The following USH1C variants were observed in gnomAD, a reference collection of about 807,000 sequenced individuals.
USH1C encodes the protein USH1 protein network component harmonin, also known as harmonin.
Under a neutral mutation model 119.3 loss-of-function variants are expected in USH1C, and 90 were observed. That is an observed-to-expected ratio of 0.75 (90% confidence interval 0.64 to 0.90). USH1C has a LOEUF of 0.90. USH1C is among the 40% of genes least tolerant of loss of function. The pLI is 0.00. For synonymous variants in USH1C, 465 were observed against 443.3 expected (o/e 1.05, Z -0.62); for missense variants, 1,165 against 1,167.7 (o/e 1.00, Z 0.03).
At chr11:17,509,978 C>T in intron 17 of USH1C, 140 bp from the exon 18 acceptor site, 4 of 1,083,884 alleles carry the variant, frequency 3.7e-6, no homozygotes. Context: ...CATGGGGCGC[C>T]ATTCCTCTGC....
At chr11:17,496,974 G>A (rs1849272552) in intron 24 of USH1C, 161 bp from the exon 25 acceptor site, 1 of 732,100 alleles carries the variant, frequency 1.4e-6, no homozygotes, top group East Asian at 2.7e-5. Flanking sequence ...CATGGTCTGA[G>A]GACGTTTCTA....
chr11:17,501,455 C>T (rs1339639771), intron 22 of USH1C, 27 bp downstream of exon 22: 1 of 1,607,084 alleles, frequency 6.2e-7, no homozygotes, highest in Admixed American at 1.7e-5. Flanking sequence ...GGGATGGCGG[C>T]CCACCGGCCT....
chr11:17,526,712 T>C, intron 7 of USH1C, 41 bp downstream of exon 7: 2 of 1,603,706 alleles, frequency 1.2e-6, no homozygotes, highest in Non-Finnish European at 1.7e-6. Flanking sequence ...TCCTTGAAGA[T>C]GACCCCACCC....
At chr11:17,517,799 G>T (rs12271589) in intron 14 of USH1C, among the ~76,000 whole-genome samples, 8,696 of 152,260 alleles carry the variant, frequency 0.057, 295 homozygotes, top group African/African-American at 0.091. Context: ...AGGAGGATGG[G>T]AATATCTGAG....
chr11:17,542,395 C>T (rs1851506327), intron 1 of USH1C, among the ~76,000 whole-genome samples: 1 of 152,382 alleles, frequency 6.6e-6, no homozygotes, highest in East Asian at 1.9e-4. Context: ...GAGGGGAAGG[C>T]TGTGGCTGTC....
At chr11:17,539,833 C>CTTTTTT (rs34881002) in intron 1 of USH1C, among the ~76,000 whole-genome samples, 19 of 126,198 alleles carry the variant, frequency 1.5e-4, no homozygotes, top group Non-Finnish European at 1.8e-4. Context: ...CTTTCTTTTT[C>CTTTTTT]TTTTTTTTTT....
chr11:17,507,898 G>C (rs896683894), intron 18 of USH1C, among the ~76,000 whole-genome samples: 6 of 152,222 alleles, frequency 3.9e-5, no homozygotes, highest in Non-Finnish European at 8.8e-5. Context: ...TCTTCAGTTA[G>C]AATGAATCCC....
chr11:17,540,912 ACCTGACCATGG>A (rs1171297836), intron 1 of USH1C, among the ~76,000 whole-genome samples: 1 of 151,898 alleles, frequency 6.6e-6, no homozygotes, highest in Non-Finnish European at 1.5e-5. Context: ...GAAAATCCTG[ACCTGACCATGG>A]CCTACCAGGC....
intron 14 of USH1C, among the ~76,000 whole-genome samples, chr11:17,520,608 A>G (rs1306275401): frequency 6.6e-6 from 1 of 152,136 alleles, no homozygotes. Context: ...CCTCTTCAGC[A>G]GCCTGACAGC....
chr11:17,534,716 A>AT (rs1851157487), intron 1 of USH1C, among the ~76,000 whole-genome samples: 1 of 152,120 alleles, frequency 6.6e-6, no homozygotes, highest in African/African-American at 2.4e-5. Context: ...CTCTATTAAA[A>AT]TACAAAAATT....
At chr11:17,502,359 T>C (rs923430644) in intron 20 of USH1C, among the ~76,000 whole-genome samples, 4 of 152,296 alleles carry the variant, frequency 2.6e-5, no homozygotes, top group Admixed American at 2.6e-4. Context: ...AAGTCTCCAC[T>C]GGAGCAGGCC....
At chr11:17,503,023 C>T (rs1408081362) in intron 20 of USH1C, among the ~76,000 whole-genome samples, 1 of 152,162 alleles carries the variant, frequency 6.6e-6, no homozygotes, top group African/African-American at 2.4e-5. Context: ...CAGAATGCAC[C>T]AACTAGGTTC....
In USH1C at chr11:17,523,417, ACCT is replaced by A. The variant is rs1185242222; in HGVS notation, c.818_819+1del. On this transcript the variant is annotated splice_donor_variant and coding_sequence_variant, in exon 10 of 27. Transcript: ENST00000005226. LOFTEE classifies it high-confidence loss of function. ...CAACAGGTGAAGACCCCCACATCTC[ACCT>A]CCTTGTGATCCAGGTTAGAGAAGTC... is the stretch of plus-strand genomic sequence containing the variant. The A allele has an allele frequency of 6.2e-7, 1 of 1,614,102 alleles. No homozygotes were observed. The highest frequency in any genetic ancestry group is 1.7e-5 in the Admixed American group (1 of 60,004).
intron 2 of USH1C, among the ~76,000 whole-genome samples, chr11:17,532,354 T>C (rs527813669): frequency 2.6e-5 from 4 of 152,236 alleles, no homozygotes; most frequent in African/African-American, 9.6e-5. Context: ...CTGGAGTGCA[T>C]TGATGCAATC....
Position 17,533,238 on chromosome 11 carries a change from G to A in USH1C, c.104+17C>T. ...GGAACCCAAGTGGCCCACAAGAGCT[G>A]GACCCAGCACACTTACTGGTGGTAC... On this transcript the variant is annotated intron_variant, in intron 2 of 26. Transcript: ENST00000005226. The A allele has an allele frequency of 6.2e-7, 1 of 1,609,984 alleles. No individual in the cohort carries two copies. Among genetic ancestry groups the A allele is most frequent in the Non-Finnish European group, 8.5e-7 (1 of 1,176,306 alleles).
chr11:17,522,842 TCTGCATGAGAAGCTC>T lies in USH1C; in HGVS notation c.946_960del (p.Glu316_Gln320del). 1 of 1,613,684 alleles carries T rather than the reference TCTGCATGAGAAGCTC, an allele frequency of 6.2e-7. No homozygotes were observed. The highest frequency in any genetic ancestry group is 8.5e-7 in the Non-Finnish European group (1 of 1,179,908). ...TTGTTGGACTCCATCGCCAGCCGCT[TCTGCATGAGAAGCTC>T]CTGCCGCTGCAGCTCACGCTGCCGC... is the stretch of plus-strand genomic sequence containing the variant. On this transcript the variant is annotated inframe_deletion, in exon 12 of 27. Coordinates refer to ENST00000005226, the MANE Select transcript of USH1C (RefSeq NM_153676.4).
Position 17,544,325 on chromosome 11 carries a change from C to A in USH1C, c.-18G>T. 6.2e-7 allele frequency: 1 copy of A among 1,613,978 alleles called. No homozygotes were observed. The highest frequency in any genetic ancestry group is 8.5e-7 in the Non-Finnish European group (1 of 1,179,960). On this transcript the variant is annotated 5_prime_UTR_variant, in exon 1 of 27. Coordinates refer to ENST00000005226, the MANE Select transcript of USH1C (RefSeq NM_153676.4). ...CGGTCCATGGCTGGGCCAGGTCCAG[C>A]TGCGTCGTTGCACGACCCGTTCCTT...
At chr11:17,505,681 T>C (rs1334818472) in intron 19 of USH1C, 149 bp downstream of exon 19, 1 of 1,192,784 alleles carries the variant, frequency 8.4e-7, no homozygotes, top group African/African-American at 1.5e-5. Flanking sequence ...TGTGGCCTCA[T>C]CTCTTGGCCA....
At chr11:17,501,002 C>T in intron 23 of USH1C, 49 bp downstream of exon 23, 1 of 1,545,164 alleles carries the variant, frequency 6.5e-7, no homozygotes, top group Non-Finnish European at 8.9e-7. Context: ...AGGGCCCCGT[C>T]TAACCACTGT....
Sources: gnomAD v4.1 joint callset for allele counts (sites outside exome capture counted in the v4.1 genomes callset) on GRCh38, gnomAD v4.1.1 for gene constraint, MANE v1.5 for transcripts, NCBI Gene and HGNC (gene_info 2026-07-23, HGNC 2026-07-21) for gene names.